NRIP2: variants seen among roughly 807,000 people sequenced by gnomAD.
The protein encoded by NRIP2 is nuclear receptor interacting protein 2, also known as nuclear receptor-interacting protein 2.
Under a neutral mutation model 34.1 loss-of-function variants are expected in NRIP2, and 27 were observed. The observed-to-expected ratio is 0.79, with a 90% CI of 0.58 to 1.09. The LOEUF (loss-of-function observed/expected upper bound fraction) is 1.09, where lower values mean the gene tolerates loss of function less well. NRIP2 is among the 50% of genes least tolerant of loss of function. The pLI is 0.00. For missense variants in NRIP2, 385 were observed against 352.6 expected (o/e 1.09, Z -0.74); for synonymous variants, 145 against 146.9 (o/e 0.99, Z 0.09).
rs150931045 is a variant in NRIP2 at position 2,828,363 on chromosome 12, G to A, written c.547C>T (p.Arg183Trp). The change falls in exon 3 of 6, where the codon CGG becomes TGG. Residue 183 changes from arginine to tryptophan, a missense_variant. By Grantham distance (101) the Arg-to-Trp change is moderately radical (BLOSUM62 -3). Transcript: ENST00000337508. Reference sequence around the variant, plus strand: ...CGGCTGAGACATCCAGCAGAGATCCGATTGTATTGGGTGCCTGTGTCAACG... The same window carrying A: ...CGGCTGAGACATCCAGCAGAGATCCAATTGTATTGGGTGCCTGTGTCAACG... ...VAVDTGTQYNRISAGCLSRLG... is the reference protein window; with the variant it reads ...VAVDTGTQYNWISAGCLSRLG... 19 of 1,614,000 alleles carry A rather than the reference G, an allele frequency of 1.2e-5. No individual in the cohort carries two copies. In the African/African-American group the frequency reaches 1.3e-4, roughly 11 times the overall value.
chr12:2,828,096 C>A, intron 3 of NRIP2, 49 bp from the exon 4 acceptor site: 1 of 1,524,096 alleles, frequency 6.6e-7, no homozygotes, highest in South Asian at 1.2e-5. Flanking sequence ...CTAGAGGGTT[C>A]CACCCCATTA....
In NRIP2 at chr12:2,828,386, A is replaced by G; in HGVS notation, c.524T>C (p.Val175Ala). ...KCQDQLLRVA[V>A]DTGTQYNRIS... ...CCGATTGTATTGGGTGCCTGTGTCAACGGCCACTCTAAGCAGCTGGTCCTG... is the reference window on the plus strand; with the variant it reads ...CCGATTGTATTGGGTGCCTGTGTCAGCGGCCACTCTAAGCAGCTGGTCCTG... Residue 175 changes from valine (V) to alanine (A), a missense_variant, in exon 3 of 6, where the codon GTT becomes GCT. By Grantham distance (64) the Val-to-Ala change is moderately conservative. Coordinates refer to ENST00000337508, the MANE Select transcript of NRIP2 (RefSeq NM_031474.3). 1 of 1,613,972 alleles carries G rather than the reference A, an allele frequency of 6.2e-7. No individual in the cohort carries two copies. The highest frequency in any genetic ancestry group is 8.5e-7 in the Non-Finnish European group (1 of 1,179,994).
rs1003044589 is a variant in NRIP2, at chr12:2,827,221, C to T, written c.832G>A (p.Glu278Lys). Residue 278 changes from glutamate (E) to lysine (K), a missense_variant, in exon 6 of 6, where the codon GAG becomes AAG. Transcript: ENST00000337508. The surrounding 1 kb of genome is among the most constrained non-coding windows in gnomAD (Gnocchi z 4.0). The stretch of plus-strand genomic sequence containing the variant: ...TGAGACAGCAGTCACTGGCCAGGCT[C>T]TTGGTACAAAGGCAGGAAGGGTAGC... ...SELPFLPLYQ[E>K]PGQ 3.1e-6 allele frequency: 5 copies of T among 1,614,146 alleles called. No individual in the cohort carries two copies. In the South Asian group the frequency reaches 4.4e-5, roughly 14 times the overall value.
chr12:2,828,711 G>T (rs181251804), intron 2 of NRIP2, among the ~76,000 whole-genome samples: 1 of 152,152 alleles, frequency 6.6e-6, no homozygotes, highest in Non-Finnish European at 1.5e-5. Flanking sequence ...GTGTGGTGGC[G>T]CATGCCTGTA....
At position 2,827,417 on chromosome 12, in the gene NRIP2, CA is replaced by C; in HGVS notation, c.754-119del. 6.6e-7 allele frequency: 1 copy of C among 1,521,652 alleles called. No homozygotes were observed. Among genetic ancestry groups the C allele is most frequent in the South Asian group, 1.3e-5 (1 of 76,592 alleles). 94.3% of individuals were successfully genotyped at this position (1,521,652 alleles called of 1,614,324 possible). On this transcript the variant is annotated intron_variant, in intron 5 of 5. Coordinates refer to ENST00000337508, the MANE Select transcript of NRIP2 (RefSeq NM_031474.3). The surrounding 1 kb of genome is among the most constrained non-coding windows in gnomAD (Gnocchi z 4.0). ...TTCCACCTGCCTTTTGCTCTTCCCC[CA>C]TCCCCATTTCCCTAGACTCCTGTTG...
chr12:2,828,756 C>G (rs558536129), intron 2 of NRIP2, among the ~76,000 whole-genome samples: 1 of 152,102 alleles, frequency 6.6e-6, no homozygotes, highest in Non-Finnish European at 1.5e-5. Context: ...GCAGGAGAAT[C>G]GCTTGAACCC....
rs1229150708 is a variant in NRIP2, at chr12:2,827,195, CTG to C, written c.*10_*11del. The C allele has an allele frequency of 1.2e-6, 2 of 1,614,094 alleles. No individual in the cohort carries two copies. Among genetic ancestry groups the C allele is most frequent in the East Asian group, 2.2e-5 (1 of 44,878 alleles). On this transcript the variant is annotated 3_prime_UTR_variant, in exon 6 of 6. Transcript: ENST00000337508. This position sits in a 1 kb window ranked among gnomAD's most constrained non-coding sequence, Gnocchi z 4.0. ...CAAGGTCTTTCCCTCTGGGGACTGA[CTG>C]AGACAGCAGTCACTGGCCAGGCTCT...
rs1260995738 is a variant in NRIP2, at chr12:2,828,335, A to G, written c.575T>C (p.Leu192Pro). The G allele has an allele frequency of 6.2e-7, 1 of 1,614,012 alleles. No individual in the cohort carries two copies. Among genetic ancestry groups the G allele is most frequent in the African/African-American group, 1.3e-5 (1 of 75,026 alleles). The change falls in exon 3 of 6, where the codon CTG becomes CCG. Residue 192 changes from leucine to proline, a missense_variant. Leu to Pro is a moderately conservative substitution (Grantham distance 98). Transcript: ENST00000337508. The part of the protein sequence containing the change: ...NRISAGCLSR[L>P]GLEKRVLKAS... ...CTTGTTTGGGCCACATTCTTACCCC[A>G]GGCGGCTGAGACATCCAGCAGAGAT... is the stretch of plus-strand genomic sequence containing the variant.
chr12:2,833,123 A>T (rs1465146384), intron 1 of NRIP2, among the ~76,000 whole-genome samples: 2 of 151,768 alleles, frequency 1.3e-5, no homozygotes, highest in Non-Finnish European at 2.9e-5. Context: ...ACTGCTAGGG[A>T]TCAATTGGGG....
In NRIP2 at chr12:2,829,929, T is replaced by C. The variant is rs76094964; in HGVS notation, c.495+779A>G. On this transcript the variant is annotated intron_variant, in intron 2 of 5. Transcript: ENST00000337508. ...CCCATCTCTACTAAAAATACAAAAT[T>C]AGCCAAGTGTGGTAGTGTGGGCCTA... Among the ~76,000 whole-genome samples, 470 of 151,802 alleles carry C rather than the reference T, an allele frequency of 3.1e-3. 11 individuals carry two copies. Among genetic ancestry groups the C allele is most frequent in the African/African-American group, 0.011 (455 of 41,356 alleles).
Position 2,826,515 on chromosome 12 carries a change from A to G in NRIP2, c.*692T>C, listed in dbSNP as rs1603483638. ...CCAGTGGAAACGGATAAATACCTAT[A>G]GCGTTAATAGCAGAAGTATGTCCAA... On this transcript the variant is annotated 3_prime_UTR_variant, in exon 6 of 6. Coordinates refer to ENST00000337508, the MANE Select transcript of NRIP2 (RefSeq NM_031474.3). 2 of 152,380 alleles carry G rather than the reference A, an allele frequency of 1.3e-5. No homozygotes were observed. The highest frequency in any genetic ancestry group is 3.9e-4 in the East Asian group (2 of 5,164). 9.4% of individuals were successfully genotyped at this position (152,380 alleles called of 1,614,324 possible).
Position 2,826,944 on chromosome 12 carries a change from T to C in NRIP2, c.*263A>G. 3 of 1,293,340 alleles carry C rather than the reference T, an allele frequency of 2.3e-6. No homozygotes were observed. The highest frequency in any genetic ancestry group is 3.0e-6 in the Non-Finnish European group (3 of 1,016,692). The allele number at this position is 1,293,340 out of a possible 1,614,324, so 80.1% of individuals were successfully genotyped here. On this transcript the variant is annotated 3_prime_UTR_variant, in exon 6 of 6. Coordinates refer to ENST00000337508, the MANE Select transcript of NRIP2 (RefSeq NM_031474.3). ...TTCCTATCTGTGGTCTTGATTTGGCTTTGCTTTTCTTGGGAGGAAGATGAA... is the reference window on the plus strand; with the variant it reads ...TTCCTATCTGTGGTCTTGATTTGGCCTTGCTTTTCTTGGGAGGAAGATGAA...
At position 2,827,993 on chromosome 12, in the gene NRIP2, TG is replaced by T. The variant is rs750952502; in HGVS notation, c.632del (p.Pro211GlnfsTer53). 6.2e-7 allele frequency: 1 copy of T among 1,614,196 alleles called. No homozygotes were observed. The highest frequency in any genetic ancestry group is 2.2e-5 in the East Asian group (1 of 44,874). ...GTAGCTCCAACTGCTCCACCTGGGT[TG>T]GGGGCCCAGGGGCCAGGTCCCCAGC... Reference protein sequence around the residue: ...ASAGDLAPGPPTQVEQLELQL... With the variant: ...ASAGDLAPGPXTQVEQLELQL... On this transcript the variant is annotated frameshift_variant, in exon 4 of 6. Transcript: ENST00000337508. LOFTEE classifies it high-confidence loss of function. This position sits in a 1 kb window ranked among gnomAD's most constrained non-coding sequence, Gnocchi z 4.0.
rs1209693015 is a variant in NRIP2 at position 2,825,950 on chromosome 12, G to A, written c.*1257C>T. On this transcript the variant is annotated 3_prime_UTR_variant, in exon 6 of 6. Coordinates refer to ENST00000337508, the MANE Select transcript of NRIP2 (RefSeq NM_031474.3). ...GCTAATTTTTGTATTTTTTAGTAGA[G>A]ATGGGGTTTTGCCATATTACCCAGG... The A allele has an allele frequency of 6.6e-6, 1 of 152,178 alleles. No individual in the cohort carries two copies. Among genetic ancestry groups the A allele is most frequent in the Non-Finnish European group, 1.5e-5 (1 of 68,080 alleles). The allele number at this position is 152,178 out of a possible 1,614,324, so 9.4% of individuals were successfully genotyped here.
chr12:2,827,303 CG>C lies in NRIP2; in HGVS notation c.754-5del. ...CGTGCTCCAGGTCGATGCAGCACTG[CG>C]GGGTGTAGAGCAGTCATGCCAGGTC... On this transcript the variant is annotated splice_region_variant and splice_polypyrimidine_tract_variant and intron_variant, in intron 5 of 5. Transcript: ENST00000337508. The surrounding 1 kb of genome is among the most constrained non-coding windows in gnomAD (Gnocchi z 4.0). 6.2e-7 allele frequency: 1 copy of C among 1,612,704 alleles called. No homozygotes were observed. Among genetic ancestry groups the C allele is most frequent in the Non-Finnish European group, 8.5e-7 (1 of 1,179,586 alleles).
intron 2 of NRIP2, chr12:2,830,506 G>A (rs953381908): frequency 1.9e-5 from 10 of 529,080 alleles, no homozygotes; most frequent in Admixed American, 1.1e-4. Context: ...AGTAATGGTG[G>A]TGACAGATGG....
At position 2,834,908 on chromosome 12, in the gene NRIP2, G is replaced by A. The variant is rs774536426; in HGVS notation, c.76C>T (p.Gln26Ter). ...GAGTCCTCTCTGCTTCTTCCTGCCT[G>A]TCTCTGTCCCGTGCTGCAGCTCTCT... ...WKESCSTGQR[Q>*]AGRSREDSVT... The change falls in exon 1 of 6, where the codon CAG becomes TAG. Residue 26 changes from glutamine (Q) to a stop codon, truncating the protein, a stop_gained. Coordinates refer to ENST00000337508, the MANE Select transcript of NRIP2 (RefSeq NM_031474.3). LOFTEE classifies it high-confidence loss of function. 1 of 1,613,668 alleles carries A rather than the reference G, an allele frequency of 6.2e-7. No homozygotes were observed. Among genetic ancestry groups the A allele is most frequent in the Non-Finnish European group, 8.5e-7 (1 of 1,179,940 alleles).
chr12:2,828,612 G>A (rs2097982722), intron 2 of NRIP2, among the ~76,000 whole-genome samples, 198 bp from the exon 3 acceptor site: 1 of 152,170 alleles, frequency 6.6e-6, no homozygotes, highest in South Asian at 2.1e-4. Context: ...GGCCGAGGCG[G>A]GTGGATCACC....
In NRIP2 at chr12:2,834,954, C is replaced by A; in HGVS notation, c.30G>T (p.Pro10=). ...TCTCTTTCCAACAGGAGGGTCTCCA[C>A]GGGAGGGAAAGAGGAAAAATAAATA... MLFIFPLSL[P]WRPSCWKESC... The change falls in exon 1 of 6, where the codon CCG becomes CCT. Residue 10 remains proline, a synonymous_variant. Transcript: ENST00000337508. 6.3e-7 allele frequency: 1 copy of A among 1,590,502 alleles called. No individual in the cohort carries two copies. Among genetic ancestry groups the A allele is most frequent in the Non-Finnish European group, 8.5e-7 (1 of 1,169,596 alleles).
Sources: allele counts gnomAD v4.1 joint callset (sites outside exome capture counted in the v4.1 genomes callset), GRCh38; gene constraint gnomAD v4.1.1; non-coding constraint Gnocchi (gnomAD v3.1); transcripts MANE v1.5; gene names NCBI Gene and HGNC (gene_info 2026-07-23, HGNC 2026-07-21).